The following FRMPD2 variants were observed in gnomAD, a reference collection of about 807,000 sequenced individuals.
The protein encoded by FRMPD2 is FERM and PDZ domain containing 2.
FRMPD2 carries 96 observed loss-of-function variants against 140.1 expected under a neutral mutation model. That is an observed-to-expected ratio of 0.69 (90% confidence interval 0.58 to 0.81). The LOEUF is 0.81. Among genes scored for constraint, FRMPD2 ranks in the 40% least tolerant of loss-of-function variants. FRMPD2 has a pLI of 0.00. For missense variants in FRMPD2, 1,240 were observed against 1,447.4 expected (o/e 0.86, Z 2.32); for synonymous variants, 449 against 547.6 (o/e 0.82, Z 2.52).
intron 12 of FRMPD2, 70 bp from the exon 13 acceptor site, chr10:48,212,179 A>G: frequency 6.7e-7 from 1 of 1,487,900 alleles, no homozygotes; most frequent in Admixed American, 1.7e-5. Context: ...AGGAATGAAA[A>G]CATTATCTGT....
Position 48,238,094 on chromosome 10 carries a change from T to C in FRMPD2, c.818A>G (p.Gln273Arg), listed in dbSNP as rs1840013490. The C allele has an allele frequency of 6.2e-7, 1 of 1,612,946 alleles. No homozygotes were observed. Residue 273 changes from glutamine to arginine, a missense_variant, in exon 8 of 29, where the codon CAG becomes CGG. Gln to Arg is a conservative substitution (Grantham distance 43). Transcript: ENST00000374201. ...AGAGCTGAGCCTCCGGCCCGCCTGC[T>C]GGTCCTGGGGATCTGCTCCTGGAAG... ...RALPGADPQDQQAGRRLSSGS... is the reference protein window; with the variant it reads ...RALPGADPQDRQAGRRLSSGS...
At chr10:48,235,402 C>T (rs1839944734) in intron 9 of FRMPD2, among the ~76,000 whole-genome samples, 1 of 152,208 alleles carries the variant, frequency 6.6e-6, no homozygotes, top group South Asian at 2.1e-4. Flanking sequence ...GACCAGTTTG[C>T]TTCAACACTT....
chr10:48,268,860 G>C (rs183466588), intron 1 of FRMPD2, among the ~76,000 whole-genome samples: 32 of 152,316 alleles, frequency 2.1e-4, no homozygotes, highest in African/African-American at 7.7e-4. Flanking sequence ...TTGCCATTGT[G>C]CTGTAGTTAG....
chr10:48,207,648 G>T (rs962089512), intron 13 of FRMPD2, among the ~76,000 whole-genome samples: 1 of 152,156 alleles, frequency 6.6e-6, no homozygotes, highest in Non-Finnish European at 1.5e-5. Context: ...CTGAATGGCA[G>T]TAACTTTCCC....
At chr10:48,216,486 C>T (rs1169391337) in intron 12 of FRMPD2, among the ~76,000 whole-genome samples, 1 of 152,298 alleles carries the variant, frequency 6.6e-6, no homozygotes, top group Admixed American at 6.5e-5. Flanking sequence ...AAACTCCCAC[C>T]TGCCTCCAGT....
rs1840385517 is a variant in FRMPD2, at chr10:48,251,650, C to A, written c.67G>T (p.Val23Phe). 4 of 1,614,108 alleles carry A rather than the reference C, an allele frequency of 2.5e-6. No individual in the cohort carries two copies. The highest frequency in any genetic ancestry group is 3.4e-6 in the Non-Finnish European group (4 of 1,180,034). The change falls in exon 2 of 29, where the codon GTC becomes TTC. Residue 23 changes from valine (V) to phenylalanine (F), a missense_variant. Transcript: ENST00000374201. ...SSVTLASALQ[V>F]RGEALSEEEI... ...TCCTCAGACAGAGCTTCACCCCTGA[C>A]CTGTAGGGCGCTGGCCAGCGTCACA...
chr10:48,238,522 G>C (rs1415184943), intron 7 of FRMPD2, among the ~76,000 whole-genome samples: 1 of 152,200 alleles, frequency 6.6e-6, no homozygotes, highest in East Asian at 1.9e-4. Flanking sequence ...TAAGGAATCA[G>C]GGGGTAAAAA....
At position 48,242,179 on chromosome 10, in the gene FRMPD2, A is replaced by G; in HGVS notation, c.549T>C (p.Val183=). 1.2e-6 allele frequency: 2 copies of G among 1,613,482 alleles called. No homozygotes were observed. Among genetic ancestry groups the G allele is most frequent in the Non-Finnish European group, 1.7e-6 (2 of 1,179,568 alleles). The part of the protein sequence containing the change: ...GLHIRRLVGL[V]LGTISEVEKR... ...TACTGACCTCAGAAATGGTACCCAGAACCAAGCCAACCAGCCTTCTGATGT... is the reference window on the plus strand; with the variant it reads ...TACTGACCTCAGAAATGGTACCCAGGACCAAGCCAACCAGCCTTCTGATGT... The change falls in exon 5 of 29, where the codon GTT becomes GTC. Residue 183 remains valine (V), a synonymous_variant. Transcript: ENST00000374201.
intron 15 of FRMPD2, among the ~76,000 whole-genome samples, chr10:48,196,368 T>C (rs1220253325): frequency 1.3e-5 from 2 of 152,230 alleles, no homozygotes; most frequent in East Asian, 3.8e-4. Flanking sequence ...AAGGTCACTC[T>C]GAAGGCTGAG....
Position 48,240,382 on chromosome 10 carries a change from C to A in FRMPD2, c.678G>T (p.Pro226=), listed in dbSNP as rs373177431. The A allele has an allele frequency of 1.2e-6, 2 of 1,612,804 alleles. No individual in the cohort carries two copies. Among genetic ancestry groups the A allele is most frequent in the South Asian group, 2.2e-5 (2 of 91,082 alleles). The change falls in exon 6 of 29, where the codon CCG becomes CCT. Residue 226 remains proline, a synonymous_variant. Transcript: ENST00000374201. ...TSSESPAAQA[P]ECLHPCRVSE... is the part of the protein sequence containing the mutation. Reference sequence around the variant, plus strand: ...CACCTCTGCAAGGATGCAGACACTCCGGGGCCTGTGCCGCTGGGCTCTCGC... The same window carrying A: ...CACCTCTGCAAGGATGCAGACACTCAGGGGCCTGTGCCGCTGGGCTCTCGC...
upstream of FRMPD2, chr10:48,274,711 A>T (rs1396638577): frequency 3.3e-5 from 24 of 730,284 alleles, no homozygotes; most frequent in East Asian, 5.0e-4. Context: ...GTCACTAAGC[A>T]CTTGCTGCCC....
chr10:48,192,130 C>T (rs1212115058), intron 16 of FRMPD2, among the ~76,000 whole-genome samples: 4 of 152,204 alleles, frequency 2.6e-5, no homozygotes, highest in Admixed American at 2.6e-4. Context: ...GTTCTTTCTT[C>T]ACCAAAAGAC....
chr10:48,184,515 T>TTCAAGGTCTAGTA, intron 20 of FRMPD2, 51 bp downstream of exon 20: 1 of 1,094,336 alleles, frequency 9.1e-7, no homozygotes, highest in Admixed American at 1.7e-5. Context: ...AATCATGTAC[T>TTCAAGGTCTAGTA]CCTGAAAACA....
intron 10 of FRMPD2, among the ~76,000 whole-genome samples, chr10:48,224,885 A>G (rs1366522395): frequency 6.6e-6 from 1 of 152,240 alleles, no homozygotes; most frequent in East Asian, 1.9e-4. Context: ...ACCTGTATTC[A>G]CAGGTTATGA....
At chr10:48,233,702 G>T (rs867845061) in intron 9 of FRMPD2, among the ~76,000 whole-genome samples, 11 of 152,130 alleles carry the variant, frequency 7.2e-5, no homozygotes, top group African/African-American at 2.4e-4. Context: ...CAGCAGTCCT[G>T]CCTCCCCTCC....
At chr10:48,193,037 C>G (rs1007744144) in intron 15 of FRMPD2, 143 bp from the exon 16 acceptor site, 2 of 655,040 alleles carry the variant, frequency 3.1e-6, no homozygotes, top group Non-Finnish European at 5.4e-6. Context: ...CTGTGATTAT[C>G]CCTGGGAATG....
At chr10:48,229,025 TAATATC>T (rs1484201686) in intron 10 of FRMPD2, among the ~76,000 whole-genome samples, 1 of 152,060 alleles carries the variant, frequency 6.6e-6, no homozygotes, top group Non-Finnish European at 1.5e-5. Context: ...AATTGAGCCT[TAATATC>T]AATAGCATAC....
chr10:48,195,076 A>G (rs1316533091), intron 15 of FRMPD2, among the ~76,000 whole-genome samples: 3 of 152,218 alleles, frequency 2.0e-5, no homozygotes, highest in Non-Finnish European at 2.9e-5. Context: ...TTACAGTGTC[A>G]TAAGGACACA....
intron 11 of FRMPD2, 118 bp from the exon 12 acceptor site, chr10:48,222,569 A>C (rs2131904342): frequency 1.9e-6 from 2 of 1,057,168 alleles, no homozygotes; most frequent in Non-Finnish European, 2.8e-6. Context: ...GATGCAACTC[A>C]ATAGAATTCA....
Sources: gnomAD v4.1 joint callset for allele counts (sites outside exome capture counted in the v4.1 genomes callset) on GRCh38, gnomAD v4.1.1 for gene constraint, MANE v1.5 for transcripts, NCBI Gene and HGNC (gene_info 2026-07-23, HGNC 2026-07-21) for gene names.